LRRC4C: variants seen among roughly 807,000 people sequenced by gnomAD.
LRRC4C encodes leucine-rich repeat-containing protein 4C.
A neutral mutation model predicts 33.6 loss-of-function variants in LRRC4C; 5 were observed. The ratio of observed to expected loss-of-function variants is 0.15; its 90% confidence interval spans 0.08 to 0.31. The LOEUF is 0.31. Among genes scored for constraint, LRRC4C ranks in the 10% least tolerant of loss-of-function variants. LRRC4C has a pLI of 1.00. For missense variants in LRRC4C, 560 were observed against 796.7 expected (o/e 0.70, Z 3.58); for synonymous variants, 329 against 302.0 (o/e 1.09, Z -0.93).
intron 1 of LRRC4C, among the ~76,000 whole-genome samples, chr11:41,090,979 C>A (rs1253255485): frequency 6.6e-6 from 1 of 152,014 alleles, no homozygotes; most frequent in Non-Finnish European, 1.5e-5. Context: ...ACAGACTAAT[C>A]TGCATATTAA....
chr11:40,624,219 A>C (rs1379195460), intron 3 of LRRC4C, among the ~76,000 whole-genome samples: 1 of 152,116 alleles, frequency 6.6e-6, no homozygotes, highest in Non-Finnish European at 1.5e-5. Flanking sequence ...TCCTGCAATC[A>C]CTATAAGATA....
At chr11:40,568,539 T>C (rs1295091525) in intron 3 of LRRC4C, among the ~76,000 whole-genome samples, 1 of 152,222 alleles carries the variant, frequency 6.6e-6, no homozygotes, top group Non-Finnish European at 1.5e-5. Flanking sequence ...AAGTAACTAA[T>C]ATAATTTCTA....
At chr11:40,392,452 C>A (rs1331182288) in intron 3 of LRRC4C, among the ~76,000 whole-genome samples, 2 of 151,900 alleles carry the variant, frequency 1.3e-5, no homozygotes, top group Non-Finnish European at 2.9e-5. Context: ...TTTGTATGTT[C>A]TGCAGAAATT....
intron 1 of LRRC4C, among the ~76,000 whole-genome samples, chr11:41,401,601 A>C (rs1333769172): frequency 6.6e-6 from 1 of 151,942 alleles, no homozygotes; most frequent in Non-Finnish European, 1.5e-5. Context: ...GGACAATGGA[A>C]ACAGTAAGAG....
chr11:40,582,230 TC>T (rs1257690044), intron 3 of LRRC4C, among the ~76,000 whole-genome samples: 1 of 152,200 alleles, frequency 6.6e-6, no homozygotes, highest in Non-Finnish European at 1.5e-5. Flanking sequence ...AAAATTTTGT[TC>T]CACTTTCAGA....
intron 3 of LRRC4C, among the ~76,000 whole-genome samples, chr11:40,612,937 T>C (rs1407213825): frequency 6.6e-6 from 1 of 151,936 alleles, no homozygotes; most frequent in East Asian, 1.9e-4. Flanking sequence ...GTTTTAAGTG[T>C]CCACTGACAT....
chr11:41,388,266 G>C (rs186585840), intron 1 of LRRC4C, among the ~76,000 whole-genome samples: 2 of 151,924 alleles, frequency 1.3e-5, no homozygotes, highest in African/African-American at 4.8e-5. Context: ...GATTGTGGTA[G>C]TGCTAGGGTA....
At chr11:41,454,444 C>T (rs1430994164) in intron 1 of LRRC4C, among the ~76,000 whole-genome samples, 1 of 152,046 alleles carries the variant, frequency 6.6e-6, no homozygotes, top group Non-Finnish European at 1.5e-5. Flanking sequence ...TTCTAATACT[C>T]CCCACAGCAA....
intron 3 of LRRC4C, among the ~76,000 whole-genome samples, chr11:40,382,684 A>ATTTTTTTTTTT (rs35200000): frequency 4.6e-5 from 3 of 65,568 alleles, no homozygotes; most frequent in African/African-American, 1.3e-4. Context: ...ACTTGTACTC[A>ATTTTTTTTTTT]TTTTTTTTTT....
At chr11:40,602,617 C>T (rs74719864) in intron 3 of LRRC4C, among the ~76,000 whole-genome samples, 5,987 of 151,570 alleles carry the variant, frequency 0.039, 396 homozygotes, top group African/African-American at 0.14. Flanking sequence ...AAGGAAATGG[C>T]GAGTTTTATT....
intron 1 of LRRC4C, among the ~76,000 whole-genome samples, chr11:41,030,143 T>G (rs1856627644): frequency 6.6e-6 from 1 of 151,470 alleles, no homozygotes; most frequent in African/African-American, 2.4e-5. Context: ...AAAATATGCA[T>G]AATTAATTTT....
At chr11:40,979,052 T>C (rs1239019488) in intron 1 of LRRC4C, among the ~76,000 whole-genome samples, 1 of 152,200 alleles carries the variant, frequency 6.6e-6, no homozygotes. Context: ...ATCTGTACAT[T>C]GTCCCCTCTG....
chr11:40,634,796 G>C (rs949183484), intron 3 of LRRC4C, among the ~76,000 whole-genome samples: 4 of 151,638 alleles, frequency 2.6e-5, no homozygotes, highest in Non-Finnish European at 5.9e-5. Context: ...GCAGGTGGCG[G>C]GGGGTGTTGT....
chr11:41,259,521 C>T (rs992902697), intron 1 of LRRC4C, among the ~76,000 whole-genome samples: 7 of 151,890 alleles, frequency 4.6e-5, no homozygotes, highest in Non-Finnish European at 8.8e-5. Context: ...CTAAGCTCTG[C>T]GTATTAGGCT....
intron 2 of LRRC4C, among the ~76,000 whole-genome samples, chr11:40,827,401 T>C (rs1952211074): frequency 6.6e-6 from 1 of 151,824 alleles, no homozygotes; most frequent in South Asian, 2.1e-4. Flanking sequence ...TCATACATAG[T>C]CAATCTCTTA....
chr11:40,847,781 C>CT (rs34141578), intron 2 of LRRC4C, among the ~76,000 whole-genome samples: 5 of 109,656 alleles, frequency 4.6e-5, no homozygotes, highest in African/African-American at 1.7e-4. Flanking sequence ...TGGTCCTGGG[C>CT]TTTTTTTTTT....
At chr11:40,303,725 A>G (rs1248995248) in intron 4 of LRRC4C, among the ~76,000 whole-genome samples, 1 of 152,156 alleles carries the variant, frequency 6.6e-6, no homozygotes, top group Non-Finnish European at 1.5e-5. Context: ...ACTTGAAAGC[A>G]CCATACTGGG....
At chr11:40,429,578 A>C (rs1459116428) in intron 3 of LRRC4C, among the ~76,000 whole-genome samples, 5 of 151,690 alleles carry the variant, frequency 3.3e-5, no homozygotes, top group African/African-American at 9.7e-5. Flanking sequence ...TAAAAAAAAA[A>C]CAAAACAAAA....
intron 2 of LRRC4C, among the ~76,000 whole-genome samples, chr11:40,735,881 G>A (rs1034679249): frequency 5.3e-5 from 8 of 151,108 alleles, no homozygotes; most frequent in Non-Finnish European, 8.9e-5. Context: ...TCTCATTGTG[G>A]TTTTGATTTG....
Sources: allele counts gnomAD v4.1 joint callset (sites outside exome capture counted in the v4.1 genomes callset), GRCh38; gene constraint gnomAD v4.1.1; transcripts MANE v1.5; gene names NCBI Gene and HGNC (gene_info 2026-07-23, HGNC 2026-07-21).